JARID2: variants seen among roughly 807,000 people sequenced by gnomAD.
The protein encoded by JARID2 is jumonji and AT-rich interaction domain containing 2.
JARID2 carries 21 observed loss-of-function variants against 125.6 expected under a neutral mutation model. The ratio of observed to expected loss-of-function variants is 0.17; its 90% CI spans 0.12 to 0.24. The LOEUF is 0.24. JARID2 is among the 10% of genes least tolerant of loss of function. JARID2 has a pLI of 1.00. For missense variants in JARID2, 1,303 were observed against 1,639.6 expected (o/e 0.79, Z 3.55); for synonymous variants, 736 against 661.6 (o/e 1.11, Z -1.73).
chr6:15,493,516 T>G (rs1033455307), intron 6 of JARID2, among the ~76,000 whole-genome samples: 1 of 152,170 alleles, frequency 6.6e-6, no homozygotes, highest in Non-Finnish European at 1.5e-5. Flanking sequence ...GAGACTCTTG[T>G]GCTGGGAGTA....
Position 15,476,763 on chromosome 6 carries a change from A to T in JARID2, c.670+8045A>T, listed in dbSNP as rs572726588. ...AAATGATTCTAAAAATGGAGCCCTT[A>T]GGTAATGACTATTTGGAAACCAAAT... On this transcript the variant is annotated intron_variant, in intron 5 of 17. Coordinates refer to ENST00000341776, the MANE Select transcript of JARID2 (RefSeq NM_004973.4). Among the ~76,000 whole-genome samples, 102 of 152,314 alleles carry T rather than the reference A, an allele frequency of 6.7e-4. No individual in the cohort carries two copies. In the Middle Eastern group the frequency reaches 0.01, roughly 15 times the overall value.
At chr6:15,248,014 C>A (rs1759251537) in intron 1 of JARID2, 2 of 985,266 alleles carry the variant, frequency 2.0e-6, no homozygotes, top group Non-Finnish European at 2.4e-6. Flanking sequence ...GAGAACCGCA[C>A]CCCGCCTCCC....
At chr6:15,411,417 T>G (rs1033569405) in intron 3 of JARID2, among the ~76,000 whole-genome samples, 2 of 152,246 alleles carry the variant, frequency 1.3e-5, no homozygotes, top group Admixed American at 6.5e-5. Context: ...TGTCGTCTTT[T>G]AAATAGCCTT....
At chr6:15,262,110 G>T (rs917032731) in intron 1 of JARID2, among the ~76,000 whole-genome samples, 1 of 151,338 alleles carries the variant, frequency 6.6e-6, no homozygotes, top group Non-Finnish European at 1.5e-5. Context: ...GTCTGAGTAG[G>T]CACTGACATG....
chr6:15,251,146 G>A (rs1047569674), intron 1 of JARID2, among the ~76,000 whole-genome samples: 4 of 151,934 alleles, frequency 2.6e-5, no homozygotes, highest in African/African-American at 9.7e-5. Flanking sequence ...CGAGTAGGTG[G>A]GATTACAGGC....
chr6:15,373,991 A>C, intron 1 of JARID2, 126 bp from the exon 2 acceptor site: 1 of 1,058,754 alleles, frequency 9.4e-7, no homozygotes, highest in Non-Finnish European at 1.4e-6. Context: ...TAATTCTGAC[A>C]TTGAGAACTG....
At chr6:15,502,448 G>C (rs1770788371) in intron 8 of JARID2, among the ~76,000 whole-genome samples, 1 of 152,254 alleles carries the variant, frequency 6.6e-6, no homozygotes, top group Non-Finnish European at 1.5e-5. Context: ...TGAGCCTGGT[G>C]GGAGTGTGTG....
chr6:15,427,943 G>A (rs1480859586), intron 3 of JARID2, among the ~76,000 whole-genome samples: 1 of 151,642 alleles, frequency 6.6e-6, no homozygotes, highest in Non-Finnish European at 1.5e-5. Context: ...ACTGCCTAGT[G>A]CAATTGCAAG....
intron 3 of JARID2, among the ~76,000 whole-genome samples, chr6:15,428,190 G>T (rs1313314219): frequency 2.0e-5 from 3 of 152,072 alleles, no homozygotes; most frequent in Admixed American, 6.5e-5. Context: ...ACACAATAAG[G>T]TAAATATCAT....
chr6:15,517,076 C>T (rs1431725411), intron 16 of JARID2, 85 bp from the exon 17 acceptor site: 1 of 975,540 alleles, frequency 1.0e-6, no homozygotes. Context: ...GTGGTGGCTG[C>T]CCGGCCGGGC....
intron 7 of JARID2, among the ~76,000 whole-genome samples, chr6:15,499,843 C>T (rs1029395283): frequency 6.6e-6 from 1 of 152,128 alleles, no homozygotes; most frequent in Non-Finnish European, 1.5e-5. Context: ...CCTGGTCTTG[C>T]TGGTGTGCTG....
At chr6:15,501,983 T>A (rs1770760830) in intron 8 of JARID2, among the ~76,000 whole-genome samples, 3 of 152,162 alleles carry the variant, frequency 2.0e-5, no homozygotes. Flanking sequence ...TTTTCTCTGT[T>A]TTCTATCCGC....
chr6:15,365,775 G>T (rs1381573243), intron 1 of JARID2, among the ~76,000 whole-genome samples: 1 of 152,118 alleles, frequency 6.6e-6, no homozygotes, highest in Non-Finnish European at 1.5e-5. Context: ...GCTTTGAAGT[G>T]CTTTTAATTT....
chr6:15,444,272 G>A (rs1767571208), intron 3 of JARID2, among the ~76,000 whole-genome samples: 1 of 152,164 alleles, frequency 6.6e-6, no homozygotes, highest in Non-Finnish European at 1.5e-5. Context: ...TGGACCTTGC[G>A]CTTAGAAGGA....
intron 15 of JARID2, 62 bp downstream of exon 15, chr6:15,513,107 C>T: frequency 1.9e-6 from 3 of 1,608,234 alleles, no homozygotes; most frequent in Non-Finnish European, 1.7e-6. Flanking sequence ...GGGGCTCACC[C>T]CCCGAGCAGG....
intron 1 of JARID2, among the ~76,000 whole-genome samples, chr6:15,357,430 A>T (rs1430637255): frequency 6.6e-6 from 1 of 152,224 alleles, no homozygotes; most frequent in Non-Finnish European, 1.5e-5. Context: ...ATGTGATTTA[A>T]ACATTACATG....
intron 16 of JARID2, among the ~76,000 whole-genome samples, chr6:15,515,047 CTTT>C (rs60113331): frequency 5.3e-5 from 8 of 150,942 alleles, no homozygotes; most frequent in South Asian, 2.1e-4. Context: ...TCTCTCTGTT[CTTT>C]TTTTTTTTTG....
chr6:15,388,414 A>G (rs999659514), intron 2 of JARID2, among the ~76,000 whole-genome samples: 4 of 151,924 alleles, frequency 2.6e-5, no homozygotes, highest in African/African-American at 9.7e-5. Context: ...CCTGCTGCCA[A>G]ATCTCATCTA....
At chr6:15,495,395 C>T (rs1041764745) in intron 6 of JARID2, among the ~76,000 whole-genome samples, 3 of 152,062 alleles carry the variant, frequency 2.0e-5, no homozygotes, top group Non-Finnish European at 4.4e-5. Flanking sequence ...CGTGTGCAGA[C>T]GAGGGTTGGC....
Sources: gnomAD v4.1 joint callset for allele counts (sites outside exome capture counted in the v4.1 genomes callset) on GRCh38, gnomAD v4.1.1 for gene constraint, MANE v1.5 for transcripts, NCBI Gene and HGNC (gene_info 2026-07-23, HGNC 2026-07-21) for gene names.